COL21A1: variants seen among roughly 807,000 people sequenced by gnomAD.
COL21A1 encodes collagen type XXI alpha 1 chain.
Under a neutral mutation model 137.9 loss-of-function variants are expected in COL21A1, and 149 were observed. That is an observed-to-expected ratio of 1.08 (90% confidence interval 0.95 to 1.24). The LOEUF (loss-of-function observed/expected upper bound fraction) is 1.24. Ranked by LOEUF, COL21A1 falls within the 50% of genes most tolerant of loss-of-function variation. The pLI is 0.00. For synonymous variants in COL21A1, 456 were observed against 391.5 expected (o/e 1.16, Z -1.95); for missense variants, 1,167 against 1,158.4 (o/e 1.01, Z -0.11).
chr6:56,310,684 A>T (rs9382617), intron 1 of COL21A1, among the ~76,000 whole-genome samples: 24,557 of 152,166 alleles, frequency 0.16, 3,394 homozygotes, highest in East Asian at 0.56. Flanking sequence ...ATTGCAGCCC[A>T]AATAACTTGT....
chr6:56,074,271 G>T lies in COL21A1; in HGVS notation c.1926C>A (p.Ser642Arg). ...TTCCAGGCTGGCCTGGTGAGCCATT[G>T]CTTCCCATTAAACCCTACAATTTTA... is the stretch of plus-strand genomic sequence containing the variant. ...GAPGMPGLMGSNGSPGQPGTP... is the reference protein window; with the variant it reads ...GAPGMPGLMGRNGSPGQPGTP... The change falls in exon 20 of 30, where the codon AGC becomes AGA. Residue 642 changes from serine (S) to arginine (R), a missense_variant. Ser to Arg is a moderately radical substitution (Grantham distance 110). Coordinates refer to ENST00000244728, the MANE Select transcript of COL21A1 (RefSeq NM_030820.4). 1.3e-6 allele frequency: 2 copies of T among 1,592,872 alleles called. No homozygotes were observed. Among genetic ancestry groups the T allele is most frequent in the East Asian group, 4.6e-5 (2 of 43,756 alleles).
At chr6:56,230,038 C>T (rs1781455616) in intron 1 of COL21A1, among the ~76,000 whole-genome samples, 1 of 151,726 alleles carries the variant, frequency 6.6e-6, no homozygotes, top group African/African-American at 2.4e-5. Flanking sequence ...GAGCACATTG[C>T]ATGTACAAAA....
At chr6:56,101,231 T>C (rs868405112) in intron 17 of COL21A1, among the ~76,000 whole-genome samples, 10 of 152,290 alleles carry the variant, frequency 6.6e-5, no homozygotes, top group Middle Eastern at 3.4e-3. Context: ...ATGCATTTCT[T>C]TGGGCATGAG....
At chr6:56,234,180 TGGA>T (rs1781762002) in intron 1 of COL21A1, among the ~76,000 whole-genome samples, 1 of 151,836 alleles carries the variant, frequency 6.6e-6, no homozygotes, top group Non-Finnish European at 1.5e-5. Flanking sequence ...TTTGCCTATT[TGGA>T]ATCCAGAAAA....
intron 1 of COL21A1, among the ~76,000 whole-genome samples, chr6:56,288,203 T>C (rs1763958113): frequency 6.6e-6 from 1 of 151,282 alleles, no homozygotes; most frequent in Non-Finnish European, 1.5e-5. Context: ...CTGCATGGAA[T>C]GCTGATAGTT....
At chr6:56,232,466 G>A (rs1049438138) in intron 1 of COL21A1, among the ~76,000 whole-genome samples, 7 of 151,862 alleles carry the variant, frequency 4.6e-5, no homozygotes, top group Non-Finnish European at 1.0e-4. Flanking sequence ...ACTCAAGACA[G>A]TATTGTTATC....
intron 1 of COL21A1, among the ~76,000 whole-genome samples, chr6:56,390,480 T>C (rs908683217): frequency 1.0e-4 from 14 of 140,646 alleles, no homozygotes; most frequent in African/African-American, 1.6e-4. Flanking sequence ...ATCAAATACA[T>C]AGAGTGGCTG....
intron 1 of COL21A1, among the ~76,000 whole-genome samples, chr6:56,294,726 T>C (rs762956390): frequency 6.6e-6 from 1 of 152,054 alleles, no homozygotes; most frequent in Non-Finnish European, 1.5e-5. Flanking sequence ...GAGTATCTCC[T>C]GTATGTTTAT....
At chr6:56,104,741 A>G (rs1770733372) in intron 16 of COL21A1, among the ~76,000 whole-genome samples, 1 of 152,198 alleles carries the variant, frequency 6.6e-6, no homozygotes. Context: ...GTCAAAAATG[A>G]TTTATTCCAC....
chr6:56,076,385 G>A lies in COL21A1; in HGVS notation c.1858-853C>T, dbSNP rs551840783. Among the ~76,000 whole-genome samples, 188 of 151,362 alleles carry A rather than the reference G, an allele frequency of 1.2e-3. No individual in the cohort carries two copies. In the Middle Eastern group the frequency reaches 0.031, roughly 25 times the overall value. ...TAGAAACAAGAGACAGCAAGATACA[G>A]GAATGAGAATAATAAGTAATAAATA... On this transcript the variant is annotated intron_variant, in intron 18 of 29. Coordinates refer to ENST00000244728, the MANE Select transcript of COL21A1 (RefSeq NM_030820.4).
chr6:56,081,649 C>T (rs550423668), intron 17 of COL21A1, among the ~76,000 whole-genome samples: 1 of 151,856 alleles, frequency 6.6e-6, no homozygotes, highest in African/African-American at 2.4e-5. Context: ...CTCGCAGTTG[C>T]CAGACCTAAA....
chr6:56,132,164 A>G (rs1284064821), intron 12 of COL21A1, among the ~76,000 whole-genome samples: 1 of 151,506 alleles, frequency 6.6e-6, no homozygotes, highest in African/African-American at 2.4e-5. Flanking sequence ...AGAGATAAAA[A>G]ATTTTTAGGT....
intron 1 of COL21A1, among the ~76,000 whole-genome samples, chr6:56,213,793 G>A (rs1780327716): frequency 6.6e-6 from 1 of 151,936 alleles, no homozygotes; most frequent in Non-Finnish European, 1.5e-5. Flanking sequence ...TATTTACTGA[G>A]AACCTATTTG....
In COL21A1 at chr6:56,280,999, G is replaced by A. The variant is rs371692767; in HGVS notation, c.-38-98343C>T. Among the ~76,000 whole-genome samples the A allele has an allele frequency of 2.5e-4, 38 of 151,824 alleles. No individual in the cohort carries two copies. The East Asian group carries it at 3.1e-3, about 12-fold the overall frequency. On this transcript the variant is annotated intron_variant, in intron 1 of 28. Transcript: ENST00000370819. ...CAGCCTGGGCGACAGACAGAGACCCGGTCTCAAAAAATAAAGATAAAAAAA... is the reference window on the plus strand; with the variant it reads ...CAGCCTGGGCGACAGACAGAGACCCAGTCTCAAAAAATAAAGATAAAAAAA...
At chr6:56,292,925 T>C (rs1764085890) in intron 1 of COL21A1, among the ~76,000 whole-genome samples, 1 of 152,244 alleles carries the variant, frequency 6.6e-6, no homozygotes, top group African/African-American at 2.4e-5. Context: ...TAAAGTAGGA[T>C]GCATTCATGT....
At chr6:56,100,616 T>A (rs1353990744) in intron 17 of COL21A1, among the ~76,000 whole-genome samples, 1 of 152,166 alleles carries the variant, frequency 6.6e-6, no homozygotes, top group Non-Finnish European at 1.5e-5. Context: ...ATCATTTTTT[T>A]CAGTCTTCCA....
chr6:56,079,255 T>C (rs2114142274), intron 17 of COL21A1, among the ~76,000 whole-genome samples: 1 of 151,836 alleles, frequency 6.6e-6, no homozygotes, highest in African/African-American at 2.4e-5. Context: ...GGAAAACTGG[T>C]ACAGTTCTGT....
At chr6:56,267,772 AGAAG>A (rs1562032078) in intron 1 of COL21A1, among the ~76,000 whole-genome samples, 2 of 124,850 alleles carry the variant, frequency 1.6e-5, no homozygotes, top group Admixed American at 9.8e-5. Context: ...AAAAAAAAAA[AGAAG>A]AAGAAGAAGA....
intron 1 of COL21A1, among the ~76,000 whole-genome samples, chr6:56,191,006 T>A (rs1166303958): frequency 6.6e-6 from 1 of 152,174 alleles, no homozygotes; most frequent in East Asian, 1.9e-4. Flanking sequence ...TCATACTGAA[T>A]AGGCAAAAAC....
Sources: gnomAD v4.1 joint callset for allele counts (sites outside exome capture counted in the v4.1 genomes callset) on GRCh38, gnomAD v4.1.1 for gene constraint, MANE v1.5 for transcripts, NCBI Gene and HGNC (gene_info 2026-07-23, HGNC 2026-07-21) for gene names.